CEP128: variants seen among roughly 807,000 people sequenced by gnomAD.
CEP128 encodes the protein centrosomal protein 128kDa.
CEP128 carries 132 observed loss-of-function variants against 156.7 expected under a neutral mutation model. The ratio of observed to expected loss-of-function variants is 0.84; its 90% CI spans 0.73 to 0.97. The LOEUF is 0.97. Ranked by LOEUF, CEP128 falls within the 50% of genes least tolerant of loss-of-function variation. The pLI, the probability that CEP128 is intolerant of heterozygous loss-of-function variation, is 0.00. For missense variants in CEP128, 1,252 were observed against 1,281.9 expected, an observed-to-expected ratio of 0.98 and a Z score of 0.36; for synonymous variants, 469 against 448.9, an observed-to-expected ratio of 1.04 and a Z score of -0.57.
chr14:80,624,814 AT>A (rs1893639967), intron 19 of CEP128, among the ~76,000 whole-genome samples: 1 of 152,122 alleles, frequency 6.6e-6, no homozygotes, highest in African/African-American at 2.4e-5. Context: ...TATTCTGAAT[AT>A]TAGTCCTTGT....
intron 19 of CEP128, among the ~76,000 whole-genome samples, chr14:80,678,294 T>C (rs185735661): frequency 7.3e-5 from 11 of 151,324 alleles, no homozygotes; most frequent in African/African-American, 2.7e-4. Flanking sequence ...GCTACCTTAA[T>C]ATAAAAGATC....
chr14:80,744,918 T>G (rs1264321162), intron 18 of CEP128, among the ~76,000 whole-genome samples: 1 of 152,196 alleles, frequency 6.6e-6, no homozygotes, highest in Non-Finnish European at 1.5e-5. Flanking sequence ...TCACTTATAA[T>G]AAAGCCGTAT....
intron 19 of CEP128, among the ~76,000 whole-genome samples, chr14:80,624,135 GT>G (rs997622457): frequency 1.3e-5 from 2 of 151,114 alleles, no homozygotes; most frequent in African/African-American, 2.4e-5. Flanking sequence ...ACAAACTCAA[GT>G]TTTTTTTTAG....
At chr14:80,823,876 T>C (rs1358242867) in intron 13 of CEP128, among the ~76,000 whole-genome samples, 2 of 152,214 alleles carry the variant, frequency 1.3e-5, no homozygotes, top group African/African-American at 4.8e-5. Context: ...AGTGCCCCAG[T>C]AGGGACAATG....
chr14:80,772,032 C>G (rs927455386), intron 16 of CEP128, among the ~76,000 whole-genome samples: 2 of 152,166 alleles, frequency 1.3e-5, no homozygotes, highest in African/African-American at 4.8e-5. Flanking sequence ...TTCTTATAAA[C>G]TTTAACACTG....
chr14:80,941,011 CAATAAA>C (rs1886121851), intron 1 of CEP128, among the ~76,000 whole-genome samples: 1 of 152,106 alleles, frequency 6.6e-6, no homozygotes, highest in Non-Finnish European at 1.5e-5. Context: ...TCCATCAAAC[CAATAAA>C]AGATGCAGCT....
At position 80,836,405 on chromosome 14, in the gene CEP128, T is replaced by C. The variant is rs745984387; in HGVS notation, c.925-68A>G. 3.0e-4 allele frequency: 469 copies of C among 1,568,032 alleles called. 1 individual carries two copies. The highest frequency in any genetic ancestry group is 3.7e-4 in the Non-Finnish European group (428 of 1,142,782). ...AGAAAGACCTACTTCAAATGGGCTA[T>C]TGTAAACACAAGTTGAATCCAGGTT... On this transcript the variant is annotated intron_variant, in intron 11 of 24. Transcript: ENST00000555265.
At chr14:80,766,264 G>C (rs1435599695) in intron 16 of CEP128, among the ~76,000 whole-genome samples, 1 of 152,140 alleles carries the variant, frequency 6.6e-6, no homozygotes, top group Non-Finnish European at 1.5e-5. Flanking sequence ...TTTAGGACAA[G>C]AAAGGCTCAT....
At chr14:80,882,933 G>A (rs889976809) in intron 8 of CEP128, among the ~76,000 whole-genome samples, 1 of 152,152 alleles carries the variant, frequency 6.6e-6, no homozygotes, top group Non-Finnish European at 1.5e-5. Context: ...AAGAGGAAGG[G>A]AAGTTTAATG....
intron 12 of CEP128, 70 bp from the exon 13 acceptor site, chr14:80,831,364 T>C: frequency 7.0e-7 from 1 of 1,427,086 alleles, no homozygotes; most frequent in African/African-American, 1.4e-5. Context: ...CAAATAGTAC[T>C]GAGCCCTGAT....
downstream of CEP128, among the ~76,000 whole-genome samples, chr14:80,496,155 G>T (rs539124545): frequency 2.6e-5 from 4 of 152,240 alleles, no homozygotes; most frequent in Non-Finnish European, 4.4e-5. Flanking sequence ...TTTGCGACAT[G>T]CATACCTGTT....
intron 19 of CEP128, among the ~76,000 whole-genome samples, chr14:80,686,688 T>C (rs1456024130): frequency 6.6e-6 from 1 of 152,130 alleles, no homozygotes; most frequent in African/African-American, 2.4e-5. Context: ...ACCCATCTCA[T>C]ATGCAAAGAC....
intron 21 of CEP128, among the ~76,000 whole-genome samples, chr14:80,542,239 G>A (rs1473089398): frequency 6.6e-6 from 1 of 152,106 alleles, no homozygotes. Flanking sequence ...TTAAAGGCAG[G>A]ATGATATTTT....
intron 13 of CEP128, among the ~76,000 whole-genome samples, chr14:80,808,858 G>A (rs1189883953): frequency 1.3e-5 from 2 of 152,014 alleles, no homozygotes; most frequent in East Asian, 3.9e-4. Context: ...TGTGTCTTCA[G>A]GAAACATTCC....
chr14:80,683,642 C>T (rs1290562463), intron 19 of CEP128, among the ~76,000 whole-genome samples: 2 of 152,052 alleles, frequency 1.3e-5, no homozygotes, highest in African/African-American at 4.8e-5. Flanking sequence ...CAGAATAATA[C>T]ACCTATAAAC....
At position 80,669,638 on chromosome 14, in the gene CEP128, G is replaced by A. The variant is rs76028823; in HGVS notation, c.2806+73437C>T. On this transcript the variant is annotated intron_variant, in intron 19 of 24. Coordinates refer to ENST00000555265, the MANE Select transcript of CEP128 (RefSeq NM_152446.5). ...CATACCATCTTACAGTAGTCAGTAC[G>A]GCTATTATTAAAAAGTCAAAAAATA... 1.1e-4 allele frequency among the ~76,000 whole-genome samples: 17 copies of A among 152,246 alleles called. No individual in the cohort carries two copies. The East Asian group carries it at 3.1e-3, about 28-fold the overall frequency.
chr14:80,640,591 A>G (rs553819076), intron 19 of CEP128, among the ~76,000 whole-genome samples: 2 of 152,128 alleles, frequency 1.3e-5, no homozygotes, highest in South Asian at 2.1e-4. Flanking sequence ...TCATTTCTCT[A>G]TATGCTTTTC....
At chr14:80,933,359 GC>G (rs1238994136) in intron 2 of CEP128, among the ~76,000 whole-genome samples, 1 of 152,158 alleles carries the variant, frequency 6.6e-6, no homozygotes, top group Non-Finnish European at 1.5e-5. Context: ...CTTGCAGAGA[GC>G]CCCCTCTAAG....
intron 19 of CEP128, among the ~76,000 whole-genome samples, chr14:80,636,858 G>A (rs760914761): frequency 4.6e-5 from 7 of 151,994 alleles, no homozygotes; most frequent in African/African-American, 1.2e-4. Flanking sequence ...AGGCCAACAC[G>A]GGCAGATCAC....
Sources: allele counts gnomAD v4.1 joint callset (sites outside exome capture counted in the v4.1 genomes callset), GRCh38; gene constraint gnomAD v4.1.1; transcripts MANE v1.5; gene names NCBI Gene and HGNC (gene_info 2026-07-23, HGNC 2026-07-21).